Variants in ADAMTS17 observed in about 807,000 individuals in gnomAD.
ADAMTS17 encodes ADAM metallopeptidase with thrombospondin type 1 motif 17.
A neutral mutation model predicts 141.5 loss-of-function variants in ADAMTS17; 113 were observed. The ratio of observed to expected loss-of-function variants is 0.80; its 90% confidence interval spans 0.69 to 0.93. ADAMTS17 has a LOEUF of 0.93. ADAMTS17 is among the 40% of genes least tolerant of loss of function. The probability of loss-of-function intolerance (pLI) is 0.00; values close to 1 mark genes in which losing one functional copy is unlikely to be tolerated. For missense variants in ADAMTS17, 1,659 were observed against 1,517.9 expected, an observed-to-expected ratio of 1.09 and a Z score of -1.54; for synonymous variants, 768 against 630.6, an observed-to-expected ratio of 1.22 and a Z score of -3.27.
chr15:100,017,013 T>A (rs1206305878), intron 18 of ADAMTS17, among the ~76,000 whole-genome samples: 1 of 152,110 alleles, frequency 6.6e-6, no homozygotes. Context: ...GCGTCTGAGC[T>A]CAGACTCTCC....
chr15:100,206,318 G>A (rs1348680211), intron 7 of ADAMTS17, among the ~76,000 whole-genome samples: 2 of 152,220 alleles, frequency 1.3e-5, no homozygotes, highest in Non-Finnish European at 2.9e-5. Context: ...GCAGGCTCCT[G>A]TGTGTGCACT....
chr15:100,258,562 G>C (rs1349881630), intron 6 of ADAMTS17, among the ~76,000 whole-genome samples: 3 of 152,160 alleles, frequency 2.0e-5, no homozygotes, highest in Non-Finnish European at 2.9e-5. Flanking sequence ...CAGGGGAAGA[G>C]AGCTTGTGCA....
intron 3 of ADAMTS17, among the ~76,000 whole-genome samples, chr15:100,304,446 C>T (rs1205826084): frequency 1.3e-5 from 2 of 152,144 alleles, no homozygotes; most frequent in East Asian, 3.9e-4. Context: ...GACTACAACA[C>T]AGTAAGCCTT....
chr15:100,157,191 G>T (rs182683714), intron 8 of ADAMTS17, among the ~76,000 whole-genome samples: 1 of 152,232 alleles, frequency 6.6e-6, no homozygotes, highest in East Asian at 1.9e-4. Flanking sequence ...ACCTCCCAGC[G>T]GGTCCCTCCC....
At chr15:99,992,898 G>T in intron 20 of ADAMTS17, 150 bp downstream of exon 20, 2 of 969,056 alleles carry the variant, frequency 2.1e-6, no homozygotes, top group Non-Finnish European at 3.1e-6. Context: ...ACGGGGTCTT[G>T]GGTAGTTGCA....
chr15:100,233,695 C>G (rs1018481101), intron 7 of ADAMTS17, among the ~76,000 whole-genome samples: 1 of 152,174 alleles, frequency 6.6e-6, no homozygotes, highest in African/African-American at 2.4e-5. Context: ...GAGGCCGCTT[C>G]TGTCTCTCTG....
At position 99,971,641 on chromosome 15, in the gene ADAMTS17, C is replaced by CCTTTTTTCGTT. The variant is rs2060206199; in HGVS notation, c.*2760_*2761insAACGAAAAAAG. On this transcript the variant is annotated 3_prime_UTR_variant, in exon 22 of 22. Transcript: ENST00000268070. The stretch of plus-strand genomic sequence containing the variant: ...ACGAATGGAAAATAGATACATTTGA[C>CCTTTTTTCGTT]TCTGAAACGAAAAAAGGACAATCGT... 2 of 151,928 alleles carry CCTTTTTTCGTT rather than the reference C, an allele frequency of 1.3e-5. No homozygotes were observed. Among genetic ancestry groups the CCTTTTTTCGTT allele is most frequent in the African/African-American group, 2.4e-5 (1 of 41,284 alleles). 9.4% of individuals were successfully genotyped at this position (151,928 alleles called of 1,614,324 possible). A position where few individuals can be genotyped will look rare whatever the true frequency, so the allele number is the denominator to read the frequency against.
intron 18 of ADAMTS17, among the ~76,000 whole-genome samples, chr15:100,033,767 G>A (rs979595857): frequency 1.3e-5 from 2 of 152,096 alleles, no homozygotes; most frequent in African/African-American, 2.4e-5. Flanking sequence ...CCAACTTTTC[G>A]GTGTCTCTTC....
chr15:100,196,491 C>T (rs2041121830), intron 8 of ADAMTS17, among the ~76,000 whole-genome samples: 1 of 152,238 alleles, frequency 6.6e-6, no homozygotes, highest in South Asian at 2.1e-4. Context: ...CCCTACGACG[C>T]ACATTAGGTA....
rs535599333 is a variant in ADAMTS17, at chr15:100,199,883, G to A, written c.1076-460C>T. ...TAAGAGGCCCTGACTCCCCTCAGGC[G>A]ATGCCCCTGCACCCGCACACCCTGA... On this transcript the variant is annotated intron_variant, in intron 7 of 21. Transcript: ENST00000268070. 7.2e-5 allele frequency among the ~76,000 whole-genome samples: 11 copies of A among 152,340 alleles called. No individual in the cohort carries two copies. The South Asian group carries it at 1.7e-3, about 23-fold the overall frequency.
At position 100,341,351 on chromosome 15, in the gene ADAMTS17, G is replaced by A. The variant is rs2046360981; in HGVS notation, c.138C>T (p.Asp46=). Residue 46 remains aspartate, a synonymous_variant, in exon 2 of 22, where the codon GAC becomes GAT. Transcript: ENST00000268070. ...EVVLPWRVRP[D]DVHLPPLPAA... is the part of the protein sequence containing the mutation. ...CGGGCAGCGGCGGCAGGTGCACGTC[G>A]TCGGGGCGCACCCGCCACGGGAGCA... is the stretch of plus-strand genomic sequence containing the variant. 8.8e-6 allele frequency: 9 copies of A among 1,019,032 alleles called. No homozygotes were observed. In the South Asian group the frequency reaches 1.3e-4, roughly 15 times the overall value. 63.1% of individuals were successfully genotyped at this position (1,019,032 alleles called of 1,614,324 possible).
chr15:100,004,948 G>C (rs950555055), intron 18 of ADAMTS17, among the ~76,000 whole-genome samples: 13 of 152,214 alleles, frequency 8.5e-5, no homozygotes, highest in African/African-American at 3.1e-4. Context: ...TAGAGATGGA[G>C]TTTTGGCATG....
intron 18 of ADAMTS17, among the ~76,000 whole-genome samples, chr15:100,025,886 GGTTTTT>G (rs759407836): frequency 3.5e-4 from 53 of 151,900 alleles, no homozygotes; most frequent in Non-Finnish European, 5.6e-4. Flanking sequence ...GGTATCTATA[GGTTTTT>G]GTTTTTGTTT....
At chr15:100,149,133 G>T (rs899947) in intron 10 of ADAMTS17, among the ~76,000 whole-genome samples, 145,405 of 152,300 alleles carry the variant, frequency 0.95, 69,601 homozygotes, top group Non-Finnish European at 0.99. Flanking sequence ...CCACAACACA[G>T]TCCTACAAAA....
At chr15:100,092,363 G>A (rs150205025) in intron 15 of ADAMTS17, among the ~76,000 whole-genome samples, 526 of 152,268 alleles carry the variant, frequency 3.5e-3, no homozygotes, top group African/African-American at 0.012. Context: ...ACTCAGACGC[G>A]TGAGCCAGGC....
At chr15:100,037,886 C>A (rs1425247214) in intron 18 of ADAMTS17, among the ~76,000 whole-genome samples, 2 of 151,926 alleles carry the variant, frequency 1.3e-5, no homozygotes, top group African/African-American at 4.8e-5. Context: ...TTCAGCCTGC[C>A]CCCCACCACC....
chr15:100,138,134 G>C (rs1415395263), intron 10 of ADAMTS17, among the ~76,000 whole-genome samples: 1 of 122,478 alleles, frequency 8.2e-6, no homozygotes, highest in Non-Finnish European at 1.9e-5. Flanking sequence ...CAGGGAATCT[G>C]GAAGGGTGTT....
At chr15:100,338,790 C>G (rs2046280771) in intron 2 of ADAMTS17, among the ~76,000 whole-genome samples, 1 of 152,216 alleles carries the variant, frequency 6.6e-6, no homozygotes, top group African/African-American at 2.4e-5. Context: ...CACAGAGCTT[C>G]TACCACAGTA....
chr15:100,209,999 G>A (rs1392702581), intron 7 of ADAMTS17, among the ~76,000 whole-genome samples: 1 of 152,078 alleles, frequency 6.6e-6, no homozygotes, highest in Non-Finnish European at 1.5e-5. Flanking sequence ...CCTCTGTGGT[G>A]GTCCGCGGGC....
Sources: allele counts gnomAD v4.1 joint callset (sites outside exome capture counted in the v4.1 genomes callset), GRCh38; gene constraint gnomAD v4.1.1; transcripts MANE v1.5; gene names NCBI Gene and HGNC (gene_info 2026-07-23, HGNC 2026-07-21).